POF1B: variants seen among roughly 807,000 people sequenced by gnomAD.
POF1B encodes protein POF1B.
POF1B carries 53 observed loss-of-function variants against 55.3 expected under a neutral mutation model. That is an observed-to-expected ratio of 0.96 (90% CI 0.77 to 1.20). The LOEUF (loss-of-function observed/expected upper bound fraction) is 1.20, where lower values mean the gene tolerates loss of function less well. POF1B is among the 50% of genes most tolerant of loss of function. The probability of loss-of-function intolerance (pLI) is 0.00; values close to 1 mark genes in which losing one functional copy is unlikely to be tolerated. For missense variants in POF1B, 478 were observed against 420.5 expected (o/e 1.14, Z -1.20); for synonymous variants, 188 against 148.3 (o/e 1.27, Z -1.95).
intron 15 of POF1B, among the ~76,000 whole-genome samples, chrX:85,299,290 C>CT (rs755021082): frequency 0.011 from 710 of 61,969 alleles, 4 homozygotes; most frequent in Middle Eastern, 0.021. Flanking sequence ...CTCCTGTTTT[C>CT]TTTTTTTTTT....
intron 7 of POF1B, among the ~76,000 whole-genome samples, chrX:85,317,589 G>A (rs1040551769): frequency 1.8e-5 from 2 of 110,526 alleles, no homozygotes; most frequent in Non-Finnish European, 3.8e-5. Context: ...AAAAGTGTCT[G>A]TTCATGTCAT....
intron 7 of POF1B, 101 bp from the exon 8 acceptor site, chrX:85,315,835 A>G: frequency 1.6e-6 from 1 of 622,699 alleles, no homozygotes; most frequent in Non-Finnish European, 2.3e-6. Context: ...TTTTTGAAAT[A>G]TAAGAGGACT....
At chrX:85,316,996 T>G (rs1186612211) in intron 7 of POF1B, among the ~76,000 whole-genome samples, 6 of 110,668 alleles carry the variant, frequency 5.4e-5, no homozygotes, top group African/African-American at 2.0e-4. Flanking sequence ...TGTTCCTACA[T>G]TAGTTTGCTA....
chrX:85,328,458 C>T (rs1485913437), intron 7 of POF1B, among the ~76,000 whole-genome samples: 1 of 110,872 alleles, frequency 9.0e-6, no homozygotes, highest in African/African-American at 3.3e-5. Flanking sequence ...CCCGCCTTGG[C>T]CTCCCAAAGT....
chrX:85,296,315 G>A (rs73627351), intron 15 of POF1B, among the ~76,000 whole-genome samples: 2,162 of 112,189 alleles, frequency 0.019, 46 homozygotes, highest in African/African-American at 0.067. Flanking sequence ...AGCTTTGGTT[G>A]TGTAGTTGTT....
chrX:85,370,643 T>G (rs781087036), intron 2 of POF1B, among the ~76,000 whole-genome samples: 71 of 111,367 alleles, frequency 6.4e-4, no homozygotes, highest in Non-Finnish European at 1.1e-3. Flanking sequence ...TCTACAAAAT[T>G]AAGTAAGATG....
chrX:85,330,629 T>C (rs1167520358), intron 7 of POF1B, among the ~76,000 whole-genome samples: 1 of 111,091 alleles, frequency 9.0e-6, no homozygotes, highest in Non-Finnish European at 1.9e-5. Context: ...ATAATCTACA[T>C]TAACTCTTAA....
chrX:85,353,389 TGAG>T (rs1156417945), intron 4 of POF1B, among the ~76,000 whole-genome samples: 1 of 110,311 alleles, frequency 9.1e-6, no homozygotes, highest in Non-Finnish European at 1.9e-5. Context: ...AGAGTACAGA[TGAG>T]GAGACTGGTA....
intron 2 of POF1B, among the ~76,000 whole-genome samples, chrX:85,372,210 G>T (rs1305898815): frequency 9.1e-6 from 1 of 109,696 alleles, no homozygotes; most frequent in East Asian, 2.9e-4. Flanking sequence ...CGGGTGTGGT[G>T]GCGGGCGCCT....
intron 4 of POF1B, among the ~76,000 whole-genome samples, chrX:85,354,389 T>C: frequency 9.0e-6 from 1 of 110,594 alleles, no homozygotes; most frequent in East Asian, 2.9e-4. Flanking sequence ...GATGATTGAG[T>C]GAGAAGGAAT....
intron 15 of POF1B, among the ~76,000 whole-genome samples, chrX:85,290,936 T>A (rs1364771967): frequency 8.9e-6 from 1 of 112,118 alleles, no homozygotes; most frequent in Non-Finnish European, 1.9e-5. Context: ...CTCTTTGGTT[T>A]AATTAGATAT....
chrX:85,354,714 C>A (rs894425853), intron 4 of POF1B, among the ~76,000 whole-genome samples: 4 of 110,199 alleles, frequency 3.6e-5, no homozygotes, highest in Non-Finnish European at 7.6e-5. Flanking sequence ...ACAATTGCTT[C>A]AAAGAGAATA....
At chrX:85,366,952 A>C (rs1478189727) in intron 3 of POF1B, among the ~76,000 whole-genome samples, 2 of 111,113 alleles carry the variant, frequency 1.8e-5, no homozygotes, top group African/African-American at 6.6e-5. Context: ...ACTAAAGACC[A>C]GTTTTTGTTC....
intron 7 of POF1B, among the ~76,000 whole-genome samples, chrX:85,324,877 G>A (rs1603047948): frequency 8.9e-6 from 1 of 112,031 alleles, no homozygotes; most frequent in Admixed American, 9.5e-5. Context: ...TTCTTGTAAG[G>A]TATGTTTGGT....
intron 4 of POF1B, among the ~76,000 whole-genome samples, chrX:85,359,159 A>G (rs1022219761): frequency 9.0e-5 from 10 of 111,434 alleles, no homozygotes; most frequent in African/African-American, 3.3e-4. Context: ...TCCATGGCAA[A>G]GGTAAATAGC....
chrX:85,282,048 A>G, intron 16 of POF1B, 155 bp downstream of exon 16: 1 of 596,467 alleles, frequency 1.7e-6, no homozygotes, highest in Non-Finnish European at 2.3e-6. Flanking sequence ...TCTTTCCAAA[A>G]TTTGTTAATT....
intron 3 of POF1B, among the ~76,000 whole-genome samples, chrX:85,361,457 T>A (rs185149037): frequency 7.2e-5 from 8 of 111,695 alleles, no homozygotes; most frequent in Non-Finnish European, 1.3e-4. Context: ...CTCCATTTAT[T>A]GAATAGGGAG....
intron 3 of POF1B, among the ~76,000 whole-genome samples, chrX:85,361,902 T>C (rs773345733): frequency 2.7e-5 from 3 of 110,382 alleles, no homozygotes; most frequent in African/African-American, 9.9e-5. Flanking sequence ...TGTTTTGTAA[T>C]TCTCATTGTA....
intron 15 of POF1B, among the ~76,000 whole-genome samples, chrX:85,292,498 T>C (rs1412018296): frequency 1.8e-5 from 2 of 112,133 alleles, no homozygotes; most frequent in African/African-American, 6.5e-5. Flanking sequence ...TGGAATAGTT[T>C]CAGCAGGAAT....
Sources: allele counts gnomAD v4.1 joint callset (sites outside exome capture counted in the v4.1 genomes callset), GRCh38; gene constraint gnomAD v4.1.1; transcripts MANE v1.5; gene names NCBI Gene and HGNC (gene_info 2026-07-23, HGNC 2026-07-21).